The following CSMD1 variants were observed in gnomAD, a reference collection of about 807,000 sequenced individuals.
CSMD1 encodes CUB and sushi domain-containing protein 1.
A neutral mutation model predicts 417.5 loss-of-function variants in CSMD1; 213 were observed. That is an observed-to-expected ratio of 0.51 (90% CI 0.46 to 0.57). CSMD1 has a LOEUF of 0.57. Ranked by LOEUF, CSMD1 falls within the 20% of genes least tolerant of loss-of-function variation. CSMD1 has a pLI of 0.00. For synonymous variants in CSMD1, 2,862 were observed against 1,736.8 expected (o/e 1.65, Z -16.11); for missense variants, 6,923 against 4,529.7 (o/e 1.53, Z -15.17).
chr8:4,218,807 T>G (rs963250933), intron 3 of CSMD1, among the ~76,000 whole-genome samples: 1 of 152,204 alleles, frequency 6.6e-6, no homozygotes, highest in East Asian at 1.9e-4. Flanking sequence ...TTCTGTTTTC[T>G]CAGTGTCAAT....
intron 26 of CSMD1, among the ~76,000 whole-genome samples, chr8:3,257,576 G>T (rs1274237666): frequency 6.6e-6 from 1 of 152,166 alleles, no homozygotes; most frequent in African/African-American, 2.4e-5. Context: ...ATTTCAGGTG[G>T]GCTGGTCATG....
At chr8:3,651,865 G>C (rs528087294) in intron 7 of CSMD1, among the ~76,000 whole-genome samples, 2 of 144,578 alleles carry the variant, frequency 1.4e-5, no homozygotes, top group South Asian at 4.4e-4. Flanking sequence ...ACCACCATGA[G>C]CACACTTACC....
At position 3,796,034 on chromosome 8, in the gene CSMD1, G is replaced by T. The variant is rs547584881; in HGVS notation, c.819-41992C>A. 3.5e-5 allele frequency among the ~76,000 whole-genome samples: 2 copies of T among 56,588 alleles called. 1 individual carries two copies. The highest frequency in any genetic ancestry group is 1.2e-4 in the African/African-American group (2 of 17,068). The allele number at this position is 56,588 out of a possible 152,430, so 37.1% of individuals were successfully genotyped here. On this transcript the variant is annotated intron_variant, in intron 5 of 69. Coordinates refer to ENST00000635120, the MANE Select transcript of CSMD1 (RefSeq NM_033225.6). ...TAGATATATATCATGTATAGATATAGATATATATCTATCATAGATATAGAT... is the reference window on the plus strand; with the variant it reads ...TAGATATATATCATGTATAGATATATATATATATCTATCATAGATATAGAT...
intron 7 of CSMD1, among the ~76,000 whole-genome samples, chr8:3,659,490 T>C (rs945883603): frequency 6.6e-6 from 1 of 152,172 alleles, no homozygotes; most frequent in Non-Finnish European, 1.5e-5. Context: ...GCGTTTCACT[T>C]AGCCAAGGTC....
chr8:2,963,124 C>G, intron 60 of CSMD1, 98 bp downstream of exon 60: 2 of 1,331,938 alleles, frequency 1.5e-6, no homozygotes, highest in Non-Finnish European at 2.1e-6. Context: ...TATTACCCAC[C>G]AGGAAGGTCC....
intron 1 of CSMD1, among the ~76,000 whole-genome samples, chr8:4,875,039 T>A (rs1289375516): frequency 2.0e-5 from 3 of 151,838 alleles, no homozygotes; most frequent in Non-Finnish European, 4.4e-5. Context: ...TCTCTCCCTC[T>A]CTGTCTTTCT....
At chr8:3,418,047 G>A (rs1479539783) in intron 12 of CSMD1, among the ~76,000 whole-genome samples, 5 of 152,148 alleles carry the variant, frequency 3.3e-5, no homozygotes, top group African/African-American at 4.8e-5. Flanking sequence ...ATGTGTGATC[G>A]TGCTTAATTA....
At chr8:3,332,782 C>T (rs760908733) in intron 23 of CSMD1, among the ~76,000 whole-genome samples, 6 of 152,212 alleles carry the variant, frequency 3.9e-5, no homozygotes, top group Non-Finnish European at 7.3e-5. Context: ...GTTGCAGGGA[C>T]CCTGATGCCC....
intron 1 of CSMD1, among the ~76,000 whole-genome samples, chr8:4,770,666 T>C (rs909350338): frequency 6.6e-6 from 1 of 152,030 alleles, no homozygotes; most frequent in Non-Finnish European, 1.5e-5. Flanking sequence ...CAAGCATATA[T>C]GGTCAGCTAA....
intron 2 of CSMD1, among the ~76,000 whole-genome samples, chr8:4,503,536 C>G (rs1036980888): frequency 6.6e-6 from 1 of 152,122 alleles, no homozygotes; most frequent in Admixed American, 6.6e-5. Context: ...CCGTTAAATC[C>G]AATAAATGAT....
chr8:3,365,926 G>C (rs1809535334), intron 20 of CSMD1, among the ~76,000 whole-genome samples: 1 of 152,174 alleles, frequency 6.6e-6, no homozygotes, highest in South Asian at 2.1e-4. Context: ...TTATATAAAA[G>C]TGGGGCAAGC....
intron 3 of CSMD1, among the ~76,000 whole-genome samples, chr8:4,298,613 A>G (rs1330886415): frequency 6.6e-6 from 1 of 152,170 alleles, no homozygotes; most frequent in African/African-American, 2.4e-5. Context: ...AATGTTAACC[A>G]TATGCAAACG....
At chr8:4,257,480 T>C (rs998202511) in intron 3 of CSMD1, among the ~76,000 whole-genome samples, 3 of 152,222 alleles carry the variant, frequency 2.0e-5, no homozygotes, top group Non-Finnish European at 4.4e-5. Flanking sequence ...AGAATGCATA[T>C]ATTTCTATTA....
intron 3 of CSMD1, among the ~76,000 whole-genome samples, chr8:4,187,927 A>C (rs1325990561): frequency 6.6e-6 from 1 of 152,128 alleles, no homozygotes; most frequent in East Asian, 1.9e-4. Flanking sequence ...AATAAAATAC[A>C]AAACAGTCCC....
chr8:4,253,945 C>A (rs1489468295), intron 3 of CSMD1, among the ~76,000 whole-genome samples: 2 of 98,648 alleles, frequency 2.0e-5, no homozygotes, highest in Admixed American at 1.7e-4. Flanking sequence ...GAGATGGAGT[C>A]TTGCTCTAGT....
At chr8:3,089,971 C>A (rs1366379346) in intron 48 of CSMD1, among the ~76,000 whole-genome samples, 1 of 152,164 alleles carries the variant, frequency 6.6e-6, no homozygotes, top group Non-Finnish European at 1.5e-5. Flanking sequence ...TCATGATTTT[C>A]TCTGAGCTGA....
At chr8:3,514,411 A>C (rs1160595808) in intron 10 of CSMD1, among the ~76,000 whole-genome samples, 1 of 152,190 alleles carries the variant, frequency 6.6e-6, no homozygotes, top group Non-Finnish European at 1.5e-5. Flanking sequence ...GAATGATTAC[A>C]TAATGTCTTG....
At chr8:3,438,056 A>G (rs1306042011) in intron 12 of CSMD1, among the ~76,000 whole-genome samples, 3 of 152,214 alleles carry the variant, frequency 2.0e-5, no homozygotes, top group Non-Finnish European at 4.4e-5. Flanking sequence ...AGAATTAAGT[A>G]TCCATAGAAT....
At position 4,362,517 on chromosome 8, in the gene CSMD1, G is replaced by A. The variant is rs1292705820; in HGVS notation, c.415+57436C>T. Among the ~76,000 whole-genome samples the A allele has an allele frequency of 2.0e-5, 3 of 152,152 alleles. No homozygotes were observed. In the East Asian group the frequency reaches 5.8e-4, roughly 29 times the overall value. On this transcript the variant is annotated intron_variant, in intron 3 of 69. Coordinates refer to ENST00000635120, the MANE Select transcript of CSMD1 (RefSeq NM_033225.6). ...TTCCTCATTTGTCTGCTTAATTTGT[G>A]CAATAGATAGAACAGGATCTTTAAT...
Sources: gnomAD v4.1 joint callset for allele counts (sites outside exome capture counted in the v4.1 genomes callset) on GRCh38, gnomAD v4.1.1 for gene constraint, MANE v1.5 for transcripts, NCBI Gene and HGNC (gene_info 2026-07-23, HGNC 2026-07-21) for gene names.